The following TXNL4B variants were observed in gnomAD, a reference collection of about 807,000 sequenced individuals.
The protein encoded by TXNL4B is thioredoxin-like protein 4B.
Under a neutral mutation model 13.0 loss-of-function variants are expected in TXNL4B, and 12 were observed. The ratio of observed to expected loss-of-function variants is 0.92; its 90% CI spans 0.59 to 1.49. TXNL4B has a LOEUF of 1.49. Ranked by LOEUF, TXNL4B falls within the 40% of genes most tolerant of loss-of-function variation. The pLI is 0.00. For synonymous variants in TXNL4B, 59 were observed against 58.9 expected (o/e 1.00, Z -0.01); for missense variants, 214 against 173.6 (o/e 1.23, Z -1.31).
At chr16:72,090,173 G>A (rs1306910974) in intron 2 of TXNL4B, 9 of 456,242 alleles carry the variant, frequency 2.0e-5, no homozygotes, top group Admixed American at 1.9e-4. Context: ...ACTGGAGGCA[G>A]CACACTAGAA....
intron 2 of TXNL4B, chr16:72,090,041 A>G: frequency 2.2e-6 from 1 of 454,652 alleles, no homozygotes; most frequent in Middle Eastern, 3.4e-4. Context: ...AACACATCAC[A>G]CCCTCATTGT....
chr16:72,086,994 G>C (rs1351728244), intron 3 of TXNL4B, among the ~76,000 whole-genome samples, 192 bp from the exon 4 acceptor site: 1 of 152,086 alleles, frequency 6.6e-6, no homozygotes, highest in Non-Finnish European at 1.5e-5. Flanking sequence ...CAGTGCTGTG[G>C]GCCACTAGCA....
At chr16:72,090,842 T>C (rs1489275889) in intron 1 of TXNL4B, 56 bp from the exon 2 acceptor site, 17 of 1,396,828 alleles carry the variant, frequency 1.2e-5, no homozygotes, top group Non-Finnish European at 1.6e-5. Flanking sequence ...TGAGCCCTCA[T>C]TAAAAAAAAT....
At chr16:72,089,831 C>CA (rs2041876554) in intron 2 of TXNL4B, among the ~76,000 whole-genome samples, 1 of 152,142 alleles carries the variant, frequency 6.6e-6, no homozygotes, top group South Asian at 2.1e-4. Context: ...TATATGCTAT[C>CA]AGAGTCCCCA....
rs571653725 is a variant in TXNL4B, at chr16:72,086,115, C to T, written c.*522G>A. 2 of 152,146 alleles carry T rather than the reference C, an allele frequency of 1.3e-5. No individual in the cohort carries two copies. The highest frequency in any genetic ancestry group is 3.9e-4 in the East Asian group (2 of 5,176). 9.4% of individuals were successfully genotyped at this position (152,146 alleles called of 1,614,324 possible). A position where few individuals can be genotyped will look rare whatever the true frequency, so the allele number is the denominator to read the frequency against. On this transcript the variant is annotated 3_prime_UTR_variant, in exon 4 of 4. Coordinates refer to ENST00000268483, the MANE Select transcript of TXNL4B (RefSeq NM_017853.3). The stretch of plus-strand genomic sequence containing the variant: ...GCTCAATTAATTATTTGAAGAGAAC[C>T]TACAGTAATACAGACTGGAGATGGG...
intron 3 of TXNL4B, chr16:72,087,167 C>T: frequency 5.9e-6 from 1 of 168,812 alleles, no homozygotes. Flanking sequence ...TGTGCAAAGC[C>T]CATTCAATAT....
intron 1 of TXNL4B, among the ~76,000 whole-genome samples, chr16:72,092,295 C>G (rs1397439110): frequency 2.0e-5 from 3 of 152,098 alleles, no homozygotes; most frequent in Admixed American, 2.0e-4. Flanking sequence ...CACCTGTAAT[C>G]CAAGCTACTC....
At position 72,090,772 on chromosome 16, in the gene TXNL4B, T is replaced by A; in HGVS notation, c.-23A>T. ...CATCTTGAAATAACCCAAATGTGAA[T>A]CCTCACTGTCACTCCTGAAATAAAG... On this transcript the variant is annotated 5_prime_UTR_variant, in exon 2 of 4. Transcript: ENST00000268483. 6.2e-7 allele frequency: 1 copy of A among 1,613,568 alleles called. No homozygotes were observed. Among genetic ancestry groups the A allele is most frequent in the Non-Finnish European group, 8.5e-7 (1 of 1,179,832 alleles).
intron 1 of TXNL4B, among the ~76,000 whole-genome samples, chr16:72,092,243 T>A (rs979238037): frequency 6.6e-6 from 1 of 152,248 alleles, no homozygotes; most frequent in Admixed American, 6.5e-5. Context: ...ACCCCGTCTC[T>A]ACTAAAAATA....
chr16:72,090,648 T>A lies in TXNL4B; in HGVS notation c.102A>T (p.Glu34Asp), dbSNP rs2041891202. ...KVLVLRFGRD[E>D]DPVCLQLDDI... ...CATCTAGCTGCAGACAGACAGGATC[T>A]TCATCTCTCCCAAACCTGAGAACCA... The change falls in exon 2 of 4, where the codon GAA becomes GAT. Residue 34 changes from glutamate (E) to aspartate (D), a missense_variant. Coordinates refer to ENST00000268483, the MANE Select transcript of TXNL4B (RefSeq NM_017853.3). 1 of 1,614,198 alleles carries A rather than the reference T, an allele frequency of 6.2e-7. No homozygotes were observed. The highest frequency in any genetic ancestry group is 8.5e-7 in the Non-Finnish European group (1 of 1,180,030).
At chr16:72,090,271 T>C in intron 2 of TXNL4B, 1 of 454,408 alleles carries the variant, frequency 2.2e-6, no homozygotes, top group South Asian at 1.6e-5. Context: ...ACTTGACCTC[T>C]CTGGTTTTTT....
At chr16:72,090,046 C>A in intron 2 of TXNL4B, 1 of 455,566 alleles carries the variant, frequency 2.2e-6, no homozygotes, top group Non-Finnish European at 4.4e-6. Context: ...ATCACACCCT[C>A]ATTGTAACCA....
chr16:72,087,996 T>G (rs1242118793), intron 3 of TXNL4B, among the ~76,000 whole-genome samples: 2 of 152,212 alleles, frequency 1.3e-5, no homozygotes, highest in Admixed American at 1.3e-4. Context: ...ATTTTTTGTA[T>G]TTTTAGTAGA....
intron 3 of TXNL4B, among the ~76,000 whole-genome samples, chr16:72,087,906 G>A (rs2041847005): frequency 6.6e-6 from 1 of 152,016 alleles, no homozygotes; most frequent in Non-Finnish European, 1.5e-5. Context: ...TGCAAGCTCC[G>A]CCTCCTGGGT....
At chr16:72,091,129 C>T (rs1377897630) in intron 1 of TXNL4B, among the ~76,000 whole-genome samples, 1 of 152,092 alleles carries the variant, frequency 6.6e-6, no homozygotes, top group Non-Finnish European at 1.5e-5. Flanking sequence ...AGCAGGAAAG[C>T]GATGACACTC....
intron 1 of TXNL4B, among the ~76,000 whole-genome samples, chr16:72,091,346 T>A (rs968454464): frequency 6.8e-6 from 1 of 147,362 alleles, no homozygotes; most frequent in Non-Finnish European, 1.5e-5. Context: ...GGCAGCCTGC[T>A]GTTAGGTGTT....
upstream of TXNL4B, chr16:72,093,716 C>T (rs1384564795): frequency 1.3e-5 from 2 of 152,428 alleles, no homozygotes; most frequent in Non-Finnish European, 1.5e-5. Flanking sequence ...TTTTCCCCTC[C>T]TTTTCCTGCC....
chr16:72,090,728 G>A lies in TXNL4B; in HGVS notation c.22C>T (p.Leu8=). Residue 8 remains leucine, a synonymous_variant, in exon 2 of 4, where the codon CTG becomes TTG. Coordinates refer to ENST00000268483, the MANE Select transcript of TXNL4B (RefSeq NM_017853.3). MSFLLPK[L]TSKKEVDQAI... is the part of the protein sequence containing the mutation. ...TGGTCTACTTCCTTTTTGCTAGTCA[G>A]CTTGGGCAGTAGGAAGCTCATCTTG... 6.2e-7 allele frequency: 1 copy of A among 1,614,074 alleles called. No individual in the cohort carries two copies. The highest frequency in any genetic ancestry group is 1.7e-4 in the Middle Eastern group (1 of 6,060).
In TXNL4B at chr16:72,091,204, T is replaced by C. The variant is rs2041899476; in HGVS notation, c.-37-418A>G. On this transcript the variant is annotated intron_variant, in intron 1 of 3. Transcript: ENST00000268483. ...TGTAGAAAAACAATACGGTAAAGTG[T>C]ACTACTTTGGGGCTAGTAACAGCGG... 2.0e-5 allele frequency among the ~76,000 whole-genome samples: 3 copies of C among 152,172 alleles called. No individual in the cohort carries two copies. In the South Asian group the frequency reaches 6.2e-4, roughly 32 times the overall value.
Sources: gnomAD v4.1 joint callset for allele counts (sites outside exome capture counted in the v4.1 genomes callset) on GRCh38, gnomAD v4.1.1 for gene constraint, MANE v1.5 for transcripts, NCBI Gene and HGNC (gene_info 2026-07-23, HGNC 2026-07-21) for gene names.